Variants in RORA observed in about 807,000 individuals in gnomAD.
RORA encodes nuclear receptor ROR-alpha.
A neutral mutation model predicts 69.5 loss-of-function variants in RORA; 7 were observed. The observed-to-expected ratio is 0.10, with a 90% CI of 0.06 to 0.19. RORA has a LOEUF of 0.19. Ranked by LOEUF, RORA falls within the 10% of genes least tolerant of loss-of-function variation. The pLI, the probability that RORA is intolerant of heterozygous loss-of-function variation, is 1.00. For synonymous variants in RORA, 261 were observed against 240.8 expected, an observed-to-expected ratio of 1.08 and a Z score of -0.78; for missense variants, 457 against 663.0, an observed-to-expected ratio of 0.69 and a Z score of 3.41.
intron 1 of RORA, among the ~76,000 whole-genome samples, chr15:60,726,251 C>T (rs1287439970): frequency 2.0e-5 from 3 of 152,072 alleles, no homozygotes; most frequent in African/African-American, 7.2e-5. Flanking sequence ...CCCCTTTAAG[C>T]TCAGAATGAA....
At chr15:60,817,187 T>C (rs1031702692) in intron 1 of RORA, among the ~76,000 whole-genome samples, 5 of 152,200 alleles carry the variant, frequency 3.3e-5, no homozygotes, top group African/African-American at 1.2e-4. Context: ...GTCGGAGAGA[T>C]TGTGGGTTCG....
intron 1 of RORA, among the ~76,000 whole-genome samples, chr15:60,719,691 A>C (rs538401185): frequency 1.9e-3 from 297 of 152,334 alleles, no homozygotes; most frequent in Non-Finnish European, 3.6e-3. Flanking sequence ...GCTGCTCCAC[A>C]GAACTGGTAC....
At chr15:61,225,936 T>C (rs1354553967) in intron 1 of RORA, among the ~76,000 whole-genome samples, 1 of 152,184 alleles carries the variant, frequency 6.6e-6, no homozygotes, top group African/African-American at 2.4e-5. Flanking sequence ...CAGCTATCAT[T>C]AATATCACCT....
chr15:60,503,516 T>C lies in RORA; in HGVS notation c.1075+19A>G. The C allele has an allele frequency of 6.2e-7, 1 of 1,613,410 alleles. No homozygotes were observed. The highest frequency in any genetic ancestry group is 8.5e-7 in the Non-Finnish European group (1 of 1,179,658). ...GCAGGTTAGGAAGAGATCTCAAAAT[T>C]CACTTGCAAAGCACATACCTGCTTT... On this transcript the variant is annotated intron_variant, in intron 7 of 10. Coordinates refer to ENST00000335670, the MANE Select transcript of RORA (RefSeq NM_134261.3).
chr15:60,806,423 T>C (rs568391129), intron 1 of RORA, among the ~76,000 whole-genome samples: 1 of 152,242 alleles, frequency 6.6e-6, no homozygotes, highest in Non-Finnish European at 1.5e-5. Flanking sequence ...AGTTAAAACA[T>C]CTCTTGCCAT....
At chr15:60,567,607 T>C (rs1379107554) in intron 2 of RORA, among the ~76,000 whole-genome samples, 1 of 151,938 alleles carries the variant, frequency 6.6e-6, no homozygotes, top group African/African-American at 2.4e-5. Context: ...GACAGGGTTT[T>C]ACCATGTTGG....
intron 2 of RORA, chr15:60,558,052 G>C (rs2067418458): frequency 2.4e-6 from 1 of 423,912 alleles, no homozygotes; most frequent in Non-Finnish European, 4.2e-6. Context: ...AACCTTAGTA[G>C]TGCCAATGAC....
chr15:60,586,989 G>C (rs1186749245), intron 2 of RORA, among the ~76,000 whole-genome samples: 1 of 152,072 alleles, frequency 6.6e-6, no homozygotes, highest in African/African-American at 2.4e-5. Context: ...AAACAAACAC[G>C]ACAGCACTCA....
intron 1 of RORA, among the ~76,000 whole-genome samples, chr15:60,996,022 T>C (rs1204963260): frequency 1.3e-5 from 2 of 152,108 alleles, no homozygotes; most frequent in African/African-American, 4.8e-5. Flanking sequence ...TAGGAGCTTA[T>C]GTGAGGAAAG....
chr15:60,760,356 T>G (rs2071868490), intron 1 of RORA, among the ~76,000 whole-genome samples: 1 of 152,198 alleles, frequency 6.6e-6, no homozygotes, highest in Admixed American at 6.5e-5. Context: ...CTTAGTCTGT[T>G]AATTTACTTG....
chr15:60,844,649 A>G (rs55786632), intron 1 of RORA, among the ~76,000 whole-genome samples: 2 of 152,364 alleles, frequency 1.3e-5, no homozygotes, highest in Non-Finnish European at 2.9e-5. Context: ...AAGCCACGTG[A>G]TGATGTGGGT....
chr15:60,939,901 G>A (rs1892639935), intron 1 of RORA, among the ~76,000 whole-genome samples: 2 of 152,152 alleles, frequency 1.3e-5, no homozygotes, highest in Non-Finnish European at 2.9e-5. Context: ...AACCACTCCA[G>A]TGTATTTACT....
At chr15:60,704,408 G>T (rs933061331) in intron 1 of RORA, among the ~76,000 whole-genome samples, 4 of 152,098 alleles carry the variant, frequency 2.6e-5, no homozygotes, top group Admixed American at 1.3e-4. Flanking sequence ...CTCCCCAAAG[G>T]TGCTGGAGGC....
chr15:60,947,856 G>C (rs140457224), intron 1 of RORA, among the ~76,000 whole-genome samples: 1 of 152,160 alleles, frequency 6.6e-6, no homozygotes, highest in Non-Finnish European at 1.5e-5. Context: ...AGCAGTAATG[G>C]CATCATTAAC....
intron 1 of RORA, among the ~76,000 whole-genome samples, chr15:61,045,211 A>G (rs1257320781): frequency 6.6e-6 from 1 of 152,108 alleles, no homozygotes; most frequent in Non-Finnish European, 1.5e-5. Flanking sequence ...TTCTCATGAT[A>G]GTGAATAAGT....
At chr15:60,867,518 G>A (rs886175107) in intron 1 of RORA, among the ~76,000 whole-genome samples, 2 of 152,194 alleles carry the variant, frequency 1.3e-5, no homozygotes, top group African/African-American at 4.8e-5. Context: ...CAGTAGCAGA[G>A]AATCTTTCCT....
intron 2 of RORA, among the ~76,000 whole-genome samples, chr15:60,550,914 G>A (rs551439174): frequency 6.6e-6 from 1 of 152,230 alleles, no homozygotes; most frequent in African/African-American, 2.4e-5. Context: ...TGCTGGTTTT[G>A]CTGCTCCTTC....
chr15:60,620,222 A>G (rs1325465561), intron 2 of RORA, among the ~76,000 whole-genome samples: 2 of 152,232 alleles, frequency 1.3e-5, no homozygotes, highest in Non-Finnish European at 2.9e-5. Flanking sequence ...TGAGATAACC[A>G]TCAAATGGAA....
intron 1 of RORA, among the ~76,000 whole-genome samples, chr15:61,150,368 T>G (rs1210992721): frequency 6.6e-6 from 1 of 152,148 alleles, no homozygotes; most frequent in Non-Finnish European, 1.5e-5. Context: ...GAGCCATCAT[T>G]TGCACACACA....
Sources: gnomAD v4.1 joint callset for allele counts (sites outside exome capture counted in the v4.1 genomes callset) on GRCh38, gnomAD v4.1.1 for gene constraint, MANE v1.5 for transcripts, NCBI Gene and HGNC (gene_info 2026-07-23, HGNC 2026-07-21) for gene names.